Variants in SMC2 observed in about 807,000 individuals in gnomAD.
SMC2 encodes structural maintenance of chromosomes protein 2.
Under a neutral mutation model 142.6 loss-of-function variants are expected in SMC2, and 41 were observed. That is an observed-to-expected ratio of 0.29 (90% confidence interval 0.22 to 0.37). The LOEUF (loss-of-function observed/expected upper bound fraction) is 0.37, where lower values mean the gene tolerates loss of function less well. Ranked by LOEUF, SMC2 falls within the 10% of genes least tolerant of loss-of-function variation. The pLI, the probability that SMC2 is intolerant of heterozygous loss-of-function variation, is 1.00. For synonymous variants in SMC2, 463 were observed against 457.5 expected (o/e 1.01, Z -0.15); for missense variants, 1,265 against 1,373.7 (o/e 0.92, Z 1.25).
At position 104,102,135 on chromosome 9, in the gene SMC2, A is replaced by G; in HGVS notation, c.812A>G (p.Asp271Gly). ...IKLQEELSENDKKIKALNHEI... is the reference protein window; with the variant it reads ...IKLQEELSENGKKIKALNHEI... ...CTTCAGGAAGAATTGTCTGAGAATGATAAAAAAATAAAAGCACTTAATCAT... is the reference window on the plus strand; with the variant it reads ...CTTCAGGAAGAATTGTCTGAGAATGGTAAAAAAATAAAAGCACTTAATCAT... Residue 271 changes from aspartate to glycine, a missense_variant, in exon 8 of 25, where the codon GAT becomes GGT. Physicochemically the swap from Asp to Gly is moderately conservative, Grantham distance 94 (BLOSUM62 -1). Around this residue, in one of 4 missense-constraint regions of SMC2, gnomAD observed 898 missense variants for 904.2 expected, o/e 0.99. Coordinates refer to ENST00000374793, the MANE Select transcript of SMC2 (RefSeq NM_006444.3). The G allele has an allele frequency of 6.3e-7, 1 of 1,589,662 alleles. No individual in the cohort carries two copies. The highest frequency in any genetic ancestry group is 8.6e-7 in the Non-Finnish European group (1 of 1,160,208).
At chr9:104,100,706 T>C (rs1275566552) in intron 7 of SMC2, among the ~76,000 whole-genome samples, 2 of 152,204 alleles carry the variant, frequency 1.3e-5, no homozygotes, top group African/African-American at 2.4e-5. Context: ...AGTCTGGATT[T>C]TCCTAGTTAG....
At chr9:104,112,532 T>G (rs1832584504) in intron 10 of SMC2, among the ~76,000 whole-genome samples, 1 of 150,206 alleles carries the variant, frequency 6.7e-6, no homozygotes, top group South Asian at 2.1e-4. Flanking sequence ...CCTCAGGTTT[T>G]TCTCTTTATA....
At chr9:104,109,400 A>T (rs560900922) in intron 9 of SMC2, among the ~76,000 whole-genome samples, 3 of 152,176 alleles carry the variant, frequency 2.0e-5, no homozygotes, top group Non-Finnish European at 2.9e-5. Flanking sequence ...GAATACAGCC[A>T]CTTTTTGTTA....
intron 22 of SMC2, among the ~76,000 whole-genome samples, chr9:104,132,576 T>TACTGTGC (rs1835102885): frequency 6.6e-6 from 1 of 152,142 alleles, no homozygotes; most frequent in African/African-American, 2.4e-5. Flanking sequence ...AACATAGAGT[T>TACTGTGC]ACTGTGCTGT....
intron 13 of SMC2, among the ~76,000 whole-genome samples, chr9:104,115,326 G>GCACACCTGTAAACCCTCC (rs1832965544): frequency 6.6e-6 from 1 of 151,634 alleles, no homozygotes; most frequent in African/African-American, 2.4e-5. Context: ...TGTAATCCCA[G>GCACACCTGTAAACCCTCC]CACTTTGGGA....
chr9:104,109,586 C>T (rs1334473940), intron 9 of SMC2, among the ~76,000 whole-genome samples: 2 of 152,090 alleles, frequency 1.3e-5, no homozygotes, highest in African/African-American at 4.8e-5. Flanking sequence ...CAGTGGTTTC[C>T]GAATTACGCG....
chr9:104,127,315 G>C lies in SMC2; in HGVS notation c.2625G>C (p.Val875=), dbSNP rs147970243. 6.6e-4 allele frequency: 1,045 copies of C among 1,593,990 alleles called. 13 individuals are homozygous for C. In the South Asian group the frequency reaches 9.3e-3, roughly 14 times the overall value. ...CAGTAAATAAAGCTCAAGAAGAGGTGACCAAGCAAAAAGAGGTGATAACAG... is the reference window on the plus strand; with the variant it reads ...CAGTAAATAAAGCTCAAGAAGAGGTCACCAAGCAAAAAGAGGTGATAACAG... ...KESVNKAQEE[V]TKQKEVITAQ... Residue 875 remains valine (V), a synonymous_variant, in exon 20 of 25, where the codon GTG becomes GTC. Coordinates refer to ENST00000374793, the MANE Select transcript of SMC2 (RefSeq NM_006444.3).
Position 104,100,380 on chromosome 9 carries a change from A to G in SMC2, c.592-9A>G. ...CATGCGAAAATACTGATTTTTCTTT[A>G]TTTTCCAGATACTTGAAGAAGAGAT... is the stretch of plus-strand genomic sequence containing the variant. On this transcript the variant is annotated splice_polypyrimidine_tract_variant and intron_variant, in intron 6 of 24. Transcript: ENST00000374793. 1 of 1,523,050 alleles carries G rather than the reference A, an allele frequency of 6.6e-7. No homozygotes were observed. The highest frequency in any genetic ancestry group is 1.7e-5 in the Admixed American group (1 of 58,136). 94.3% of individuals were successfully genotyped at this position (1,523,050 alleles called of 1,614,324 possible). A position where few individuals can be genotyped will look rare whatever the true frequency, so the allele number is the denominator to read the frequency against.
chr9:104,126,568 A>T, intron 18 of SMC2, 73 bp from the exon 19 acceptor site: 1 of 978,212 alleles, frequency 1.0e-6, no homozygotes, highest in Non-Finnish European at 1.5e-6. Context: ...TTATTTATTT[A>T]ATTGTTCTGT....
chr9:104,107,940 G>A (rs973145667), intron 9 of SMC2, among the ~76,000 whole-genome samples: 2 of 152,174 alleles, frequency 1.3e-5, no homozygotes, highest in Non-Finnish European at 2.9e-5. Context: ...TTAGGTGGCA[G>A]GCCGGGTTGG....
chr9:104,100,531 T>A lies in SMC2; in HGVS notation c.636+98T>A, dbSNP rs913347125. The A allele has an allele frequency of 3.0e-5, 24 of 795,026 alleles. No individual in the cohort carries two copies. The African/African-American group carries it at 4.0e-4, about 13-fold the overall frequency. The allele number at this position is 795,026 out of a possible 1,614,324, so 49.2% of individuals were successfully genotyped here. A position where few individuals can be genotyped will look rare whatever the true frequency, so the allele number is the denominator to read the frequency against. ...CATAGTGATACTATTTCTTGGGGGT[T>A]TTTTTCCTGCGATGAGATAAGGAAT... On this transcript the variant is annotated intron_variant, in intron 7 of 24. Transcript: ENST00000374793.
chr9:104,089,493 T>C (rs1799040366), upstream of SMC2, among the ~76,000 whole-genome samples: 1 of 152,082 alleles, frequency 6.6e-6, no homozygotes, highest in South Asian at 2.1e-4. Context: ...AGTCAATAAT[T>C]ATCCCCATAA....
intron 9 of SMC2, among the ~76,000 whole-genome samples, chr9:104,109,355 A>C (rs1832165850): frequency 6.6e-6 from 1 of 152,196 alleles, no homozygotes. Context: ...GATCCAGTCT[A>C]TCAACAAATT....
the SMC2 span, among the ~76,000 whole-genome samples, chr9:104,088,360 C>T: frequency 1.3e-5 from 2 of 151,970 alleles, no homozygotes; most frequent in Admixed American, 1.3e-4. Flanking sequence ...TAAATATCTA[C>T]TATGTGACAA....
At chr9:104,113,585 A>C in intron 11 of SMC2, 110 bp downstream of exon 11, 1 of 814,164 alleles carries the variant, frequency 1.2e-6, no homozygotes, top group Non-Finnish European at 1.8e-6. Context: ...TTAGCCTATT[A>C]ACAAGCATTA....
intron 16 of SMC2, among the ~76,000 whole-genome samples, chr9:104,120,722 C>T (rs1306480681): frequency 6.6e-6 from 1 of 152,184 alleles, no homozygotes; most frequent in Non-Finnish European, 1.5e-5. Context: ...TACTTTCCAA[C>T]ATCACTTCTA....
At position 104,096,209 on chromosome 9, in the gene SMC2, C is replaced by G; in HGVS notation, c.230C>G (p.Ala77Gly). Residue 77 changes from alanine to glycine, a missense_variant, in exon 3 of 25, where the codon GCC becomes GGC. Physicochemically the swap from Ala to Gly is moderately conservative, Grantham distance 60. Around this residue, in one of 4 missense-constraint regions of SMC2, gnomAD observed 168 missense variants for 184.8 expected, o/e 0.91. Transcript: ENST00000374793. ...YKNGQAGITK[A>G]SVSITFDNSD... is the part of the protein sequence containing the mutation. ...AATGGGCAGGCTGGTATTACCAAAG[C>G]CTCTGTGTCAATCACTTTTGATAAT... 1.2e-6 allele frequency: 2 copies of G among 1,613,734 alleles called. No homozygotes were observed. The highest frequency in any genetic ancestry group is 1.7e-6 in the Non-Finnish European group (2 of 1,179,654).
chr9:104,138,232 G>A lies in SMC2; in HGVS notation c.3417+67G>A, dbSNP rs555996820. The A allele has an allele frequency of 2.1e-5, 27 of 1,283,402 alleles. No homozygotes were observed. In the African/African-American group the frequency reaches 2.7e-4, roughly 13 times the overall value. The allele number at this position is 1,283,402 out of a possible 1,614,324, so 79.5% of individuals were successfully genotyped here. A position where few individuals can be genotyped will look rare whatever the true frequency, so the allele number is the denominator to read the frequency against. ...ACTATTTTTCTAAAACCATTCTTTA[G>A]TTAGTAGTCAATGTTAATAAGATAT... is the stretch of plus-strand genomic sequence containing the variant. On this transcript the variant is annotated intron_variant, in intron 24 of 24. Coordinates refer to ENST00000374793, the MANE Select transcript of SMC2 (RefSeq NM_006444.3).
chr9:104,134,370 T>A, intron 22 of SMC2, 45 bp from the exon 23 acceptor site: 1 of 1,455,866 alleles, frequency 6.9e-7, no homozygotes. Flanking sequence ...TGATTCTTCT[T>A]GGAAAGCATC....
Sources: allele counts gnomAD v4.1 joint callset (sites outside exome capture counted in the v4.1 genomes callset), GRCh38; gene constraint gnomAD v4.1.1; regional missense constraint gnomAD v4.1.1; transcripts MANE v1.5; gene names NCBI Gene and HGNC (gene_info 2026-07-23, HGNC 2026-07-21).